Variants in AS3MT observed in about 807,000 individuals in gnomAD.
AS3MT encodes S-adenosyl-L-methionine:arsenic(III) methyltransferase.
A neutral mutation model predicts 45.3 loss-of-function variants in AS3MT; 47 were observed. The observed-to-expected ratio is 1.04, with a 90% confidence interval of 0.82 to 1.32. The LOEUF (loss-of-function observed/expected upper bound fraction) is 1.32. Ranked by LOEUF, AS3MT falls within the 40% of genes most tolerant of loss-of-function variation. The pLI is 0.00. For missense variants in AS3MT, 396 were observed against 451.1 expected, an observed-to-expected ratio of 0.88 and a Z score of 1.11; for synonymous variants, 141 against 152.8, an observed-to-expected ratio of 0.92 and a Z score of 0.57.
intron 7 of AS3MT, 54 bp downstream of exon 7, chr10:102,877,089 ACTCCT>A: frequency 6.5e-7 from 1 of 1,529,960 alleles, no homozygotes; most frequent in East Asian, 2.2e-5. Context: ...CATGTGCAGA[ACTCCT>A]TTCTGCTAAT....
At chr10:102,896,791 AGAGT>A (rs1469118004) in intron 10 of AS3MT, among the ~76,000 whole-genome samples, 3 of 150,016 alleles carry the variant, frequency 2.0e-5, no homozygotes, top group Admixed American at 6.7e-5. Context: ...CTGGGGTGAC[AGAGT>A]GAGACTCCAT....
chr10:102,900,262 T>C (rs1845249029), intron 10 of AS3MT, among the ~76,000 whole-genome samples: 1 of 152,196 alleles, frequency 6.6e-6, no homozygotes, highest in Admixed American at 6.5e-5. Context: ...GTTTTAGCAT[T>C]TCCGTATCTC....
rs188227929 is a variant in AS3MT at position 102,890,761 on chromosome 10, A to C, written c.1020+83A>C. 214 of 1,388,544 alleles carry C rather than the reference A, an allele frequency of 1.5e-4. 2 individuals carry two copies. The East Asian group carries it at 5.1e-3, about 33-fold the overall frequency. 86.0% of individuals were successfully genotyped at this position (1,388,544 alleles called of 1,614,324 possible). On this transcript the variant is annotated intron_variant, in intron 10 of 10. Coordinates refer to ENST00000369880, the MANE Select transcript of AS3MT (RefSeq NM_020682.4). ...AGTCTCTCTCTGTCACCCAGACTGGAGTGCAGTGGTGTGATCTTGGCTCAC... is the reference window on the plus strand; with the variant it reads ...AGTCTCTCTCTGTCACCCAGACTGGCGTGCAGTGGTGTGATCTTGGCTCAC...
At position 102,901,092 on chromosome 10, in the gene AS3MT, C is replaced by CAAAAAAAAAAAAAAAAAAAA. The variant is rs370301616; in HGVS notation, c.*411_*412insAAAAAAAAAAAAAAAAAAAA. On this transcript the variant is annotated 3_prime_UTR_variant, in exon 11 of 11. Transcript: ENST00000369880. ...ACAGAGCAAGACTCTGTCTCAAAAG[C>CAAAAAAAAAAAAAAAAAAAA]AAAAAAAAAAAAAAAAAAAGAAAGA... 1 of 75,880 alleles carries CAAAAAAAAAAAAAAAAAAAA rather than the reference C, an allele frequency of 1.3e-5. No individual in the cohort carries two copies. Among genetic ancestry groups the CAAAAAAAAAAAAAAAAAAAA allele is most frequent in the Non-Finnish European group, 2.4e-5 (1 of 41,176 alleles). The allele number at this position is 75,880 out of a possible 1,614,324, so 4.7% of individuals were successfully genotyped here.
At position 102,879,405 on chromosome 10, in the gene AS3MT, C is replaced by A. The variant is rs547815706; in HGVS notation, c.885+414C>A. On this transcript the variant is annotated intron_variant, in intron 9 of 10. Transcript: ENST00000369880. The stretch of plus-strand genomic sequence containing the variant: ...CTCCTGGGCTCAAGTGATGTGCCCA[C>A]CTCAGCCTCCCAAAGTGCTGGGATT... Among the ~76,000 whole-genome samples, 749 of 152,186 alleles carry A rather than the reference C, an allele frequency of 4.9e-3. 7 individuals are homozygous for A. The highest frequency in any genetic ancestry group is 0.01 in the Middle Eastern group (3 of 294).
At position 102,872,490 on chromosome 10, in the gene AS3MT, C is replaced by T. The variant is rs780567314; in HGVS notation, c.213C>T (p.Asn71=). The T allele has an allele frequency of 1.7e-5, 28 of 1,613,994 alleles. No homozygotes were observed. Among genetic ancestry groups the T allele is most frequent in the Non-Finnish European group, 2.4e-5 (28 of 1,180,012 alleles). The change falls in exon 4 of 11, where the codon AAC becomes AAT. Residue 71 remains asparagine, a synonymous_variant. Transcript: ENST00000369880. Reference sequence around the variant, plus strand: ...TGGTGATCCCTGAGCATCTAGAAAACTGCTGGATTTTGGATCTGGGTAGTG... The same window carrying T: ...TGGTGATCCCTGAGCATCTAGAAAATTGCTGGATTTTGGATCTGGGTAGTG... The part of the protein sequence containing the change: ...CGLVIPEHLE[N]CWILDLGSGS...
chr10:102,871,108 G>A (rs1844672608), intron 3 of AS3MT, among the ~76,000 whole-genome samples: 1 of 152,136 alleles, frequency 6.6e-6, no homozygotes, highest in South Asian at 2.1e-4. Flanking sequence ...GCTGGGTGTA[G>A]TGGGGCACGC....
chr10:102,897,772 G>T (rs1845202282), intron 10 of AS3MT, among the ~76,000 whole-genome samples: 1 of 152,142 alleles, frequency 6.6e-6, no homozygotes, highest in South Asian at 2.1e-4. Context: ...AGCCACTCTG[G>T]CTATTTTTTT....
chr10:102,888,492 G>T (rs1407513774), intron 9 of AS3MT, among the ~76,000 whole-genome samples: 1 of 151,836 alleles, frequency 6.6e-6, no homozygotes, highest in Non-Finnish European at 1.5e-5. Flanking sequence ...CGCAATCTCG[G>T]CTCACTGCAA....
Position 102,900,586 on chromosome 10 carries a change from T to C in AS3MT, c.1021-7T>C. The C allele has an allele frequency of 6.2e-7, 1 of 1,609,202 alleles. No individual in the cohort carries two copies. Among genetic ancestry groups the C allele is most frequent in the Non-Finnish European group, 8.5e-7 (1 of 1,175,552 alleles). ...TTGTCCTTTCATTTTGGTTTGCCTT[T>C]TGACAGGATATAATCACAGATCCAT... On this transcript the variant is annotated splice_polypyrimidine_tract_variant and splice_region_variant and intron_variant, in intron 10 of 10. Transcript: ENST00000369880.
intron 1 of AS3MT, 83 bp from the exon 2 acceptor site, chr10:102,869,722 G>A: frequency 1.3e-6 from 2 of 1,573,860 alleles, no homozygotes; most frequent in South Asian, 1.1e-5. Flanking sequence ...CCCTCGGCCC[G>A]CTGCCTGCCC....
intron 9 of AS3MT, among the ~76,000 whole-genome samples, chr10:102,888,447 G>A (rs550208395): frequency 6.6e-6 from 1 of 151,896 alleles, no homozygotes; most frequent in South Asian, 2.1e-4. Flanking sequence ...GTGAGATGGA[G>A]TTTTGCTTTT....
chr10:102,899,447 A>T (rs948311069), intron 10 of AS3MT, among the ~76,000 whole-genome samples: 4 of 151,972 alleles, frequency 2.6e-5, no homozygotes, highest in Non-Finnish European at 5.9e-5. Flanking sequence ...ATGCAGGCAG[A>T]CCTCTTCATT....
intron 3 of AS3MT, 149 bp downstream of exon 3, chr10:102,870,360 A>T: frequency 9.4e-7 from 1 of 1,065,886 alleles, no homozygotes; most frequent in Non-Finnish European, 1.3e-6. Flanking sequence ...AGCACCCATC[A>T]TCTTACTGCT....
At chr10:102,899,768 A>G (rs1248846063) in intron 10 of AS3MT, among the ~76,000 whole-genome samples, 2 of 151,638 alleles carry the variant, frequency 1.3e-5, no homozygotes, top group Non-Finnish European at 2.9e-5. Flanking sequence ...CCTAGGTTCA[A>G]GTGATTCTCT....
intron 4 of AS3MT, 119 bp downstream of exon 4, chr10:102,872,717 C>A: frequency 9.0e-7 from 1 of 1,105,630 alleles, no homozygotes; most frequent in Non-Finnish European, 1.3e-6. Context: ...GTTAGCAATG[C>A]TCATTTGTGC....
intron 10 of AS3MT, among the ~76,000 whole-genome samples, chr10:102,898,482 G>A (rs1845217454): frequency 6.6e-6 from 1 of 152,040 alleles, no homozygotes; most frequent in African/African-American, 2.4e-5. Context: ...TGTAATCCCA[G>A]CTTTTTGGAA....
chr10:102,872,664 GT>G, intron 4 of AS3MT, 66 bp downstream of exon 4: 7 of 1,515,390 alleles, frequency 4.6e-6, no homozygotes, highest in Non-Finnish European at 6.2e-6. Context: ...AAATAAAGTT[GT>G]TTTCTTCGTG....
intron 10 of AS3MT, among the ~76,000 whole-genome samples, chr10:102,895,778 CTT>C (rs34570460): frequency 3.5e-5 from 5 of 142,970 alleles, no homozygotes; most frequent in African/African-American, 2.5e-5. Flanking sequence ...ATAATACCAG[CTT>C]TTTTTTTTTT....
Sources: allele counts gnomAD v4.1 joint callset (sites outside exome capture counted in the v4.1 genomes callset), GRCh38; gene constraint gnomAD v4.1.1; transcripts MANE v1.5; gene names NCBI Gene and HGNC (gene_info 2026-07-23, HGNC 2026-07-21).